Variants in EXOC6 observed in about 807,000 individuals in gnomAD.
The protein encoded by EXOC6 is exocyst complex component 6, also known as SEC15-like 1.
Under a neutral mutation model 112.5 loss-of-function variants are expected in EXOC6, and 60 were observed. The ratio of observed to expected loss-of-function variants is 0.53; its 90% CI spans 0.43 to 0.66. The LOEUF (loss-of-function observed/expected upper bound fraction) is 0.66, where lower values mean the gene tolerates loss of function less well. EXOC6 is among the 30% of genes least tolerant of loss of function. The pLI, the probability that EXOC6 is intolerant of heterozygous loss-of-function variation, is 0.00. For synonymous variants in EXOC6, 295 were observed against 308.0 expected, an observed-to-expected ratio of 0.96 and a Z score of 0.44; for missense variants, 855 against 957.1, an observed-to-expected ratio of 0.89 and a Z score of 1.41.
intron 20 of EXOC6, among the ~76,000 whole-genome samples, chr10:93,018,109 AC>A (rs1325446615): frequency 6.6e-6 from 1 of 151,646 alleles, no homozygotes; most frequent in African/African-American, 2.4e-5. Flanking sequence ...CATAAATCAC[AC>A]CCCCCTATAT....
chr10:93,058,696 G>A lies in EXOC6; in HGVS notation c.*341G>A, dbSNP rs1846655918. The A allele has an allele frequency of 5.8e-6, 1 of 173,446 alleles. No homozygotes were observed. The highest frequency in any genetic ancestry group is 1.2e-5 in the Non-Finnish European group (1 of 82,158). 10.7% of individuals were successfully genotyped at this position (173,446 alleles called of 1,614,324 possible). On this transcript the variant is annotated 3_prime_UTR_variant, in exon 22 of 22. Transcript: ENST00000260762. ...TAAGTATTTTTTTCTATTTAGACTTGAATGATAATCTGTTTTTTGATCAGT... is the reference window on the plus strand; with the variant it reads ...TAAGTATTTTTTTCTATTTAGACTTAAATGATAATCTGTTTTTTGATCAGT...
intron 18 of EXOC6, among the ~76,000 whole-genome samples, chr10:92,995,159 G>C (rs760270374): frequency 6.6e-6 from 1 of 151,588 alleles, no homozygotes; most frequent in Admixed American, 6.6e-5. Flanking sequence ...TTCAATGTTA[G>C]GATTTTAGTA....
intron 20 of EXOC6, among the ~76,000 whole-genome samples, chr10:93,031,200 G>T (rs554969775): frequency 7.2e-5 from 11 of 151,840 alleles, no homozygotes; most frequent in Non-Finnish European, 1.6e-4. Flanking sequence ...ACCTAGATAT[G>T]TTCTTTTTCC....
intron 1 of EXOC6, among the ~76,000 whole-genome samples, chr10:92,885,141 C>A (rs1367721379): frequency 6.6e-6 from 1 of 152,062 alleles, no homozygotes; most frequent in Non-Finnish European, 1.5e-5. Flanking sequence ...TTCCCTAAAG[C>A]CAATTTATAA....
At chr10:93,058,139 C>T (rs954321964) in intron 21 of EXOC6, 84 bp from the exon 22 acceptor site, 10 of 1,270,090 alleles carry the variant, frequency 7.9e-6, no homozygotes, top group Non-Finnish European at 9.9e-6. Flanking sequence ...TGGGATAATT[C>T]AGAGCATGCC....
intron 5 of EXOC6, among the ~76,000 whole-genome samples, chr10:92,908,057 C>T (rs373527994): frequency 6.2e-4 from 62 of 100,664 alleles, no homozygotes; most frequent in Admixed American, 6.3e-4. Flanking sequence ...AATATAATGT[C>T]TTTTTTTTTT....
chr10:92,905,213 A>G (rs541676194), intron 5 of EXOC6, among the ~76,000 whole-genome samples: 5 of 152,104 alleles, frequency 3.3e-5, no homozygotes, highest in East Asian at 3.9e-4. Context: ...GGGTAGTGTC[A>G]GTCTATCCTT....
chr10:92,868,854 C>T (rs1848309432), intron 1 of EXOC6, among the ~76,000 whole-genome samples: 1 of 140,476 alleles, frequency 7.1e-6, no homozygotes, highest in East Asian at 2.4e-4. Context: ...TTGCTAGAGA[C>T]CAGGCTGGAG....
At chr10:92,935,698 A>T in intron 11 of EXOC6, 116 bp from the exon 12 acceptor site, 1 of 774,276 alleles carries the variant, frequency 1.3e-6, no homozygotes, top group Non-Finnish European at 2.1e-6. Flanking sequence ...TAAACTTATT[A>T]TAAGTCTGGC....
At chr10:92,944,000 G>A (rs1776451456) in intron 13 of EXOC6, among the ~76,000 whole-genome samples, 1 of 152,148 alleles carries the variant, frequency 6.6e-6, no homozygotes, top group South Asian at 2.1e-4. Context: ...AGATTATGCA[G>A]TATTTGACTT....
intron 5 of EXOC6, among the ~76,000 whole-genome samples, chr10:92,905,169 A>C (rs928156467): frequency 8.6e-5 from 13 of 151,992 alleles, no homozygotes; most frequent in Non-Finnish European, 1.8e-4. Flanking sequence ...AGTCTTTAAT[A>C]TTATAACTTT....
At chr10:93,038,971 A>G (rs1443044864) in intron 20 of EXOC6, among the ~76,000 whole-genome samples, 1 of 152,166 alleles carries the variant, frequency 6.6e-6, no homozygotes, top group Non-Finnish European at 1.5e-5. Context: ...ACACTTTGCT[A>G]GCACTTCAAA....
At chr10:93,040,351 C>T (rs1398259206) in intron 20 of EXOC6, among the ~76,000 whole-genome samples, 1 of 152,172 alleles carries the variant, frequency 6.6e-6, no homozygotes, top group Non-Finnish European at 1.5e-5. Flanking sequence ...CAGGTTCACG[C>T]CATTCTCCTG....
chr10:93,012,383 C>T (rs761816534), intron 19 of EXOC6, among the ~76,000 whole-genome samples: 14 of 152,162 alleles, frequency 9.2e-5, no homozygotes, highest in African/African-American at 3.4e-4. Context: ...AAAAAAACAG[C>T]TCTTACTTCC....
chr10:92,940,016 A>G (rs1028792038), intron 12 of EXOC6, among the ~76,000 whole-genome samples: 4 of 152,170 alleles, frequency 2.6e-5, no homozygotes, highest in African/African-American at 9.6e-5. Context: ...CTTGGCTTAA[A>G]GATGGGAAAC....
At position 92,893,462 on chromosome 10, in the gene EXOC6, G is replaced by T; in HGVS notation, c.215G>T (p.Gly72Val). The T allele has an allele frequency of 6.2e-7, 1 of 1,612,998 alleles. No homozygotes were observed. The highest frequency in any genetic ancestry group is 8.5e-7 in the Non-Finnish European group (1 of 1,179,342). ...IEKMCNFHHQ[G>V]FVDAITELLK... ...AAGATGTGTAATTTTCATCATCAGG[G>T]TTTTGTAGATGCTATTACAGAACTC... The change falls in exon 2 of 22, where the codon GGT (glycine) becomes GTT (valine). Residue 72 changes from glycine to valine, a missense_variant. Gly to Val is a moderately radical substitution (Grantham distance 109). Coordinates refer to ENST00000260762, the MANE Select transcript of EXOC6 (RefSeq NM_019053.6).
Position 92,915,832 on chromosome 10 carries a change from A to T in EXOC6, c.738A>T (p.Ile246=). ...NKMKFGKNMY[I]NRDRIPEERN... is the part of the protein sequence containing the mutation. Reference sequence around the variant, plus strand: ...TGAAATTTGGGAAAAATATGTATATAAATCGTGATAGAATTCCAGAGGAAA... The same window carrying T: ...TGAAATTTGGGAAAAATATGTATATTAATCGTGATAGAATTCCAGAGGAAA... Residue 246 remains isoleucine, a synonymous_variant, in exon 7 of 22, where the codon ATA becomes ATT. Transcript: ENST00000260762. 11 of 1,545,714 alleles carry T rather than the reference A, an allele frequency of 7.1e-6. No individual in the cohort carries two copies. Among genetic ancestry groups the T allele is most frequent in the Non-Finnish European group, 9.5e-6 (11 of 1,154,618 alleles).
chr10:92,975,211 C>A (rs1225654155), intron 18 of EXOC6, among the ~76,000 whole-genome samples: 2 of 149,076 alleles, frequency 1.3e-5, no homozygotes, highest in African/African-American at 5.0e-5. Context: ...AGCGCCTCTG[C>A]CCCGCCACCC....
chr10:93,051,447 C>G (rs1217029061), intron 20 of EXOC6, among the ~76,000 whole-genome samples: 1 of 152,164 alleles, frequency 6.6e-6, no homozygotes, highest in African/African-American at 2.4e-5. Flanking sequence ...AGCATGAAGG[C>G]AGTTAACACC....
Sources: gnomAD v4.1 joint callset for allele counts (sites outside exome capture counted in the v4.1 genomes callset) on GRCh38, gnomAD v4.1.1 for gene constraint, MANE v1.5 for transcripts, NCBI Gene and HGNC (gene_info 2026-07-23, HGNC 2026-07-21) for gene names.